TNXB: variants seen among roughly 807,000 people sequenced by gnomAD.
The protein encoded by TNXB is tenascin-X.
Under a neutral mutation model 340.5 loss-of-function variants are expected in TNXB, and 183 were observed. The ratio of observed to expected loss-of-function variants is 0.54; its 90% CI spans 0.48 to 0.61. The LOEUF is 0.61. TNXB is among the 20% of genes least tolerant of loss of function. The pLI, the probability that TNXB is intolerant of heterozygous loss-of-function variation, is 0.00. For missense variants in TNXB, 4,613 were observed against 5,446.4 expected (o/e 0.85, Z 4.82); for synonymous variants, 2,121 against 2,314.5 (o/e 0.92, Z 2.40).
At chr6:32,107,343 C>T (rs930067509) in intron 1 of TNXB, among the ~76,000 whole-genome samples, 2 of 152,108 alleles carry the variant, frequency 1.3e-5, no homozygotes, top group Non-Finnish European at 2.9e-5. Flanking sequence ...TGAGATTGGT[C>T]TAGAAGAGCA....
chr6:32,095,157 G>A lies in TNXB; in HGVS notation c.2277C>T (p.Leu759=). 1 of 1,550,190 alleles carries A rather than the reference G, an allele frequency of 6.5e-7. No individual in the cohort carries two copies. The change falls in exon 4 of 44, where the codon CTC becomes CTT. Residue 759 remains leucine, a synonymous_variant. Transcript: ENST00000644971. ...CTGTCCGAACTGTTGTCTCCTCCAA[G>A]AGATGCATCCTCATGCCCTCAATGG... The part of the protein sequence containing the change: ...VPTIEGMRMH[L]LEETTVRTEW...
chr6:32,095,521 C>T (rs983090862), intron 3 of TNXB, 90 bp downstream of exon 3: 4 of 1,489,344 alleles, frequency 2.7e-6, no homozygotes, highest in Admixed American at 3.8e-5. Flanking sequence ...CATGCTCTCC[C>T]TCCACTCTTC....
At position 32,069,592 on chromosome 6, in the gene TNXB, C is replaced by T. The variant is rs201606500; in HGVS notation, c.5548G>A (p.Gly1850Ser). ...YKLLLYGLHH[G>S]KRVGPISAVA... ...GCCGAGATGGGGCCCACACGCTTGCCGTGGTGCAGCCCGTAGAGCAGCAGC... is the reference window on the plus strand; with the variant it reads ...GCCGAGATGGGGCCCACACGCTTGCTGTGGTGCAGCCCGTAGAGCAGCAGC... The change falls in exon 15 of 44, where the codon GGC becomes AGC. Residue 1850 changes from glycine (G) to serine (S), a missense_variant. Physicochemically the swap from Gly to Ser is moderately conservative, Grantham distance 56. Coordinates refer to ENST00000644971, the MANE Select transcript of TNXB (RefSeq NM_001365276.2). This position sits in a 1 kb window ranked among gnomAD's most constrained non-coding sequence, Gnocchi z 6.2. The T allele has an allele frequency of 8.0e-4, 1,277 of 1,595,178 alleles. 13 individuals are homozygous for T. The African/African-American group carries it at 0.014, about 17-fold the overall frequency.
In TNXB at chr6:32,083,014, G is replaced by C. The variant is rs575655430; in HGVS notation, c.3446-688C>G. Among the ~76,000 whole-genome samples the C allele has an allele frequency of 5.5e-4, 84 of 152,154 alleles. No homozygotes were observed. The highest frequency in any genetic ancestry group is 1.9e-3 in the African/African-American group (79 of 41,496). ...CCAGAAAGTGATGTCTACACTGATT[G>C]CAGCCATGTCCTCACCTCCACCACC... On this transcript the variant is annotated intron_variant, in intron 8 of 43. Coordinates refer to ENST00000644971, the MANE Select transcript of TNXB (RefSeq NM_001365276.2). This position sits in a 1 kb window ranked among gnomAD's most constrained non-coding sequence, Gnocchi z 4.6.
In TNXB at chr6:32,095,746, A is replaced by G. The variant is rs748472103; in HGVS notation, c.2107T>C (p.Cys703Arg). The change falls in exon 3 of 44, where the codon TGT (cysteine) becomes CGT (arginine). Residue 703 changes from cysteine (C) to arginine (R), a missense_variant. Coordinates refer to ENST00000644971, the MANE Select transcript of TNXB (RefSeq NM_001365276.2). ...GPRELCRAGQ[C>R]VCVEGFRGPD... Reference sequence around the variant, plus strand: ...CCTCGGAAGCCCTCTACACACACACACTGGCCTGCCCGGCACAGTTCCCGG... The same window carrying G: ...CCTCGGAAGCCCTCTACACACACACGCTGGCCTGCCCGGCACAGTTCCCGG... The G allele has an allele frequency of 1.2e-6, 2 of 1,613,722 alleles. No individual in the cohort carries two copies. Among genetic ancestry groups the G allele is most frequent in the East Asian group, 2.2e-5 (1 of 44,864 alleles).
rs1001576447 is a variant in TNXB at position 32,073,557 on chromosome 6, G to A, written c.4681+90C>T. 6.6e-6 allele frequency: 8 copies of A among 1,210,396 alleles called. No individual in the cohort carries two copies. Among genetic ancestry groups the A allele is most frequent in the Admixed American group, 6.4e-5 (3 of 46,518 alleles). 75.0% of individuals were successfully genotyped at this position (1,210,396 alleles called of 1,614,324 possible). On this transcript the variant is annotated intron_variant, in intron 12 of 43. Coordinates refer to ENST00000644971, the MANE Select transcript of TNXB (RefSeq NM_001365276.2). The surrounding 1 kb of genome is among the most constrained non-coding windows in gnomAD (Gnocchi z 4.6). ...GGATCTAGCCCCTCAGTGAGGGTGC[G>A]GTGGTACCAAGGCAGGGCTGGAAGA...
Position 32,075,962 on chromosome 6 carries a change from C to T in TNXB, c.4376-2010G>A, listed in dbSNP as rs984132701. ...TTAAAACAGGCTGGTGACCAGGCCT[C>T]GGGCAGACAGAAATGAGTCAGGCTG... is the stretch of plus-strand genomic sequence containing the variant. On this transcript the variant is annotated intron_variant, in intron 11 of 43. Coordinates refer to ENST00000644971, the MANE Select transcript of TNXB (RefSeq NM_001365276.2). The surrounding 1 kb of genome is among the most constrained non-coding windows in gnomAD (Gnocchi z 4.6). 2.0e-5 allele frequency among the ~76,000 whole-genome samples: 3 copies of T among 152,154 alleles called. No individual in the cohort carries two copies. Among genetic ancestry groups the T allele is most frequent in the African/African-American group, 4.8e-5 (2 of 41,436 alleles).
At position 32,061,574 on chromosome 6, in the gene TNXB, C is replaced by T; in HGVS notation, c.7315G>A (p.Asp2439Asn). 3.7e-6 allele frequency: 6 copies of T among 1,613,274 alleles called. No individual in the cohort carries two copies. Among genetic ancestry groups the T allele is most frequent in the Middle Eastern group, 1.7e-4 (1 of 5,920 alleles). The change falls in exon 21 of 44, where the codon GAC becomes AAC. Residue 2439 changes from aspartate to asparagine, a missense_variant. Asp to Asn is a conservative substitution (Grantham distance 23). This residue lies in a region of TNXB where 4,327 missense variants were observed against 4,859.4 expected (regional missense o/e 0.89). Transcript: ENST00000644971. The surrounding 1 kb of genome is among the most constrained non-coding windows in gnomAD (Gnocchi z 4.4). Reference sequence around the variant, plus strand: ...TCCTTGTACTGCACGGTGAAGGAGTCGAAGCGGCCCTGGGGGACGGTCCAG... The same window carrying T: ...TCCTTGTACTGCACGGTGAAGGAGTTGAAGCGGCCCTGGGGGACGGTCCAG... Reference protein sequence around the residue: ...LSWTVPQGRFDSFTVQYKDRD... With the variant: ...LSWTVPQGRFNSFTVQYKDRD...
Position 32,088,829 on chromosome 6 carries a change from C to T in TNXB, c.2735G>A (p.Arg912Gln), listed in dbSNP as rs374779610. 70 of 1,581,002 alleles carry T rather than the reference C, an allele frequency of 4.4e-5. No individual in the cohort carries two copies. The highest frequency in any genetic ancestry group is 2.4e-5 in the Non-Finnish European group (28 of 1,164,126). ...VEYVVTVTAE[R>Q]GRAVSYPASV... ...AGCTGGGTAGCTGACTGCCCGGCCC[C>T]GCTCCGCTGTGACAGTCACCACATA... Residue 912 changes from arginine to glutamine, a missense_variant, in exon 6 of 44, where the codon CGG (arginine) becomes CAG (glutamine). This residue lies in a region of TNXB where 4,327 missense variants were observed against 4,859.4 expected (regional missense o/e 0.89). Transcript: ENST00000644971.
intron 21 of TNXB, among the ~76,000 whole-genome samples, chr6:32,060,201 G>A (rs902015419): frequency 1.3e-5 from 2 of 151,140 alleles, no homozygotes; most frequent in Non-Finnish European, 2.9e-5. Context: ...ATGTGGTGGC[G>A]CATGCCTGTA....
intron 11 of TNXB, among the ~76,000 whole-genome samples, chr6:32,076,995 T>A (rs1219884866): frequency 6.6e-6 from 1 of 151,620 alleles, no homozygotes; most frequent in Non-Finnish European, 1.5e-5. Context: ...AAAATAATAA[T>A]AAAATAAAAA....
intron 19 of TNXB, among the ~76,000 whole-genome samples, chr6:32,063,051 T>C (rs1189838720): frequency 1.3e-5 from 2 of 149,572 alleles, no homozygotes; most frequent in African/African-American, 4.9e-5. Flanking sequence ...AGACTCCTTC[T>C]CAAGAAAAAA....
intron 22 of TNXB, among the ~76,000 whole-genome samples, 162 bp downstream of exon 22, chr6:32,057,896 G>A (rs1777765582): frequency 6.6e-6 from 1 of 152,136 alleles, no homozygotes; most frequent in Non-Finnish European, 1.5e-5. Context: ...TGCTTCATTT[G>A]CTGGATTGCA....
chr6:32,069,646 G>C lies in TNXB; in HGVS notation c.5494C>G (p.Pro1832Ala). 6.2e-7 allele frequency: 1 copy of C among 1,612,814 alleles called. No homozygotes were observed. Among genetic ancestry groups the C allele is most frequent in the South Asian group, 1.1e-5 (1 of 90,980 alleles). The change falls in exon 15 of 44, where the codon CCG (proline) becomes GCG (alanine). Residue 1832 changes from proline to alanine, a missense_variant. Pro to Ala is a conservative substitution (Grantham distance 27, BLOSUM62 -1). Transcript: ENST00000644971. This position sits in a 1 kb window ranked among gnomAD's most constrained non-coding sequence, Gnocchi z 6.2. ...VEGSLREVSV[P>A]GLDPAHRYKL... The stretch of plus-strand genomic sequence containing the variant: ...TACCTGTGGGCAGGGTCCAGGCCCG[G>C]CACGCTGACCTCCCTGAGGCTGCCC...
At position 32,069,758 on chromosome 6, in the gene TNXB, G is replaced by A. The variant is rs1362362091; in HGVS notation, c.5382C>T (p.Leu1794=). 1.2e-6 allele frequency: 2 copies of A among 1,612,702 alleles called. No individual in the cohort carries two copies. Among genetic ancestry groups the A allele is most frequent in the East Asian group, 2.2e-5 (1 of 44,852 alleles). ...ACTGGCCCTCAGGGACTGTCCAGGA[G>A]AGGCCCACGGAGTTCTGGGTCACGG... The part of the protein sequence containing the change: ...VTTVTQNSVG[L]SWTVPEGQFD... The change falls in exon 15 of 44, where the codon CTC becomes CTT. Residue 1794 remains leucine (L), a synonymous_variant. Transcript: ENST00000644971. The surrounding 1 kb of genome is among the most constrained non-coding windows in gnomAD (Gnocchi z 6.2).
rs748649516 is a variant in TNXB at position 32,064,948 on chromosome 6, C to G, written c.6714G>C (p.Val2238=). Residue 2238 remains valine (V), a synonymous_variant, in exon 19 of 44, where the codon GTG becomes GTC. Transcript: ENST00000644971. The surrounding 1 kb of genome is among the most constrained non-coding windows in gnomAD (Gnocchi z 5.3). ...CCCCATCCTCGTGTCCCGGCACCCGCACCGCCTTGGGCTGCCCGTCCCCAT... is the reference window on the plus strand; with the variant it reads ...CCCCATCCTCGTGTCCCGGCACCCGGACCGCCTTGGGCTGCCCGTCCCCAT... ...FKNGDGQPKA[V]RVPGHEDGVT... is the part of the protein sequence containing the mutation. 1.6e-5 allele frequency: 25 copies of G among 1,612,748 alleles called. No individual in the cohort carries two copies. In the African/African-American group the frequency reaches 3.2e-4, roughly 21 times the overall value.
chr6:32,057,397 G>A lies in TNXB; in HGVS notation c.7826-494C>T, dbSNP rs1419470379. Among the ~76,000 whole-genome samples, 14 of 152,014 alleles carry A rather than the reference G, an allele frequency of 9.2e-5. No homozygotes were observed. In the East Asian group the frequency reaches 1.2e-3, roughly 13 times the overall value. ...CCTTCCTACCCCACCTCCAGTCCCC[G>A]ATCCTAGTTTGAGCCACTGTCACCT... is the stretch of plus-strand genomic sequence containing the variant. On this transcript the variant is annotated intron_variant, in intron 22 of 43. Transcript: ENST00000644971.
chr6:32,053,634 C>G lies in TNXB; in HGVS notation c.8545G>C (p.Glu2849Gln), dbSNP rs1382274988. 6.2e-7 allele frequency: 1 copy of G among 1,613,392 alleles called. No homozygotes were observed. Among genetic ancestry groups the G allele is most frequent in the Admixed American group, 1.7e-5 (1 of 60,018 alleles). Residue 2849 changes from glutamate to glutamine, a missense_variant, in exon 25 of 44, where the codon GAG (glutamate) becomes CAG (glutamine). Glu to Gln is a conservative substitution (Grantham distance 29). Coordinates refer to ENST00000644971, the MANE Select transcript of TNXB (RefSeq NM_001365276.2). Reference sequence around the variant, plus strand: ...GGGGTGGCATCTGTCACGGTCAGCTCCCCGAGGCGAGGCTTGTTGGGGGGC... The same window carrying G: ...GGGGTGGCATCTGTCACGGTCAGCTGCCCGAGGCGAGGCTTGTTGGGGGGC... ...PEPPNKPRLG[E>Q]LTVTDATPDS...
chr6:32,085,939 T>C lies in TNXB; in HGVS notation c.2959A>G (p.Thr987Ala). 1 of 1,608,426 alleles carries C rather than the reference T, an allele frequency of 6.2e-7. No individual in the cohort carries two copies. The highest frequency in any genetic ancestry group is 8.5e-7 in the Non-Finnish European group (1 of 1,178,786). Reference sequence around the variant, plus strand: ...ATGCGCAGTTGGAAGTAGGCAAAGGTGTCAGGCTGGGCGGTCCAGACCACA... The same window carrying C: ...ATGCGCAGTTGGAAGTAGGCAAAGGCGTCAGGCTGGGCGGTCCAGACCACA... Reference protein sequence around the residue: ...LRVVWTAQPDTFAYFQLRMRV... With the variant: ...LRVVWTAQPDAFAYFQLRMRV... The change falls in exon 7 of 44, where the codon ACC becomes GCC. Residue 987 changes from threonine to alanine, a missense_variant. Around this residue, in one of 7 missense-constraint regions of TNXB, gnomAD observed 4,327 missense variants for 4,859.4 expected, o/e 0.89. Coordinates refer to ENST00000644971, the MANE Select transcript of TNXB (RefSeq NM_001365276.2). The surrounding 1 kb of genome is among the most constrained non-coding windows in gnomAD (Gnocchi z 6.4).
Sources: gnomAD v4.1 joint callset for allele counts (sites outside exome capture counted in the v4.1 genomes callset) on GRCh38, gnomAD v4.1.1 for gene constraint, gnomAD v4.1.1 regional missense constraint, Gnocchi (gnomAD v3.1) non-coding constraint, MANE v1.5 for transcripts, NCBI Gene and HGNC (gene_info 2026-07-23, HGNC 2026-07-21) for gene names.